Variants in ACACB observed in about 807,000 individuals in gnomAD.
The protein encoded by ACACB is acetyl-CoA carboxylase beta.
A neutral mutation model predicts 278.8 loss-of-function variants in ACACB; 209 were observed. The ratio of observed to expected loss-of-function variants is 0.75; its 90% confidence interval spans 0.67 to 0.84. ACACB has a LOEUF of 0.84. Among genes scored for constraint, ACACB ranks in the 40% least tolerant of loss-of-function variants. The probability of loss-of-function intolerance (pLI) is 0.00; values close to 1 mark genes in which losing one functional copy is unlikely to be tolerated. For missense variants in ACACB, 2,850 were observed against 3,269.0 expected (o/e 0.87, Z 3.13); for synonymous variants, 1,174 against 1,285.6 (o/e 0.91, Z 1.86).
At chr12:109,181,681 G>A (rs931988559) in intron 11 of ACACB, among the ~76,000 whole-genome samples, 13 of 152,054 alleles carry the variant, frequency 8.5e-5, no homozygotes, top group African/African-American at 3.1e-4. Flanking sequence ...TTAGCAGTAG[G>A]ATTGCTAGAT....
intron 31 of ACACB, among the ~76,000 whole-genome samples, chr12:109,235,031 A>T (rs1245453446): frequency 6.6e-6 from 1 of 152,072 alleles, no homozygotes; most frequent in African/African-American, 2.4e-5. Context: ...CACTCCATAG[A>T]AAAACCCTGT....
intron 48 of ACACB, 103 bp downstream of exon 48, chr12:109,260,760 G>T: frequency 8.5e-7 from 1 of 1,181,214 alleles, no homozygotes; most frequent in South Asian, 2.5e-5. Flanking sequence ...GCTGGAACCT[G>T]TAAGTGGTGG....
chr12:109,204,239 A>G (rs916710187), intron 19 of ACACB, among the ~76,000 whole-genome samples: 2 of 147,990 alleles, frequency 1.4e-5, no homozygotes, highest in African/African-American at 4.9e-5. Context: ...AATTGACTGT[A>G]GAGTCACCCT....
At chr12:109,124,548 A>C (rs1158202079) in intron 1 of ACACB, among the ~76,000 whole-genome samples, 1 of 151,830 alleles carries the variant, frequency 6.6e-6, no homozygotes, top group African/African-American at 2.4e-5. Context: ...TATCAGTCTG[A>C]CCTCCGTCGT....
At chr12:109,125,486 C>T (rs2042656639) in intron 1 of ACACB, 1 of 152,226 alleles carries the variant, frequency 6.6e-6, no homozygotes, top group African/African-American at 2.4e-5. Context: ...CTTGGCTTCT[C>T]TGTGCATGAT....
At chr12:109,205,617 T>C (rs1415832284) in intron 19 of ACACB, among the ~76,000 whole-genome samples, 1 of 151,844 alleles carries the variant, frequency 6.6e-6, no homozygotes, top group Non-Finnish European at 1.5e-5. Flanking sequence ...GACTGGCTAA[T>C]TTTTGTGTGT....
Position 109,265,298 on chromosome 12 carries a change from A to T in ACACB, c.7113+18A>T, listed in dbSNP as rs772007666. The T allele has an allele frequency of 2.5e-6, 4 of 1,611,958 alleles. No homozygotes were observed. Among genetic ancestry groups the T allele is most frequent in the Non-Finnish European group, 3.4e-6 (4 of 1,179,562 alleles). On this transcript the variant is annotated intron_variant, in intron 51 of 52. Coordinates refer to ENST00000338432, the MANE Select transcript of ACACB (RefSeq NM_001093.4). Reference sequence around the variant, plus strand: ...CTGTCAAGGTGGGCCTGGGGTGAGAACGAGGCCGGTGAGCACAGGGGGTGC... The same window carrying T: ...CTGTCAAGGTGGGCCTGGGGTGAGATCGAGGCCGGTGAGCACAGGGGGTGC...
chr12:109,189,876 C>T (rs886876423), intron 13 of ACACB, among the ~76,000 whole-genome samples: 14 of 152,112 alleles, frequency 9.2e-5, no homozygotes, highest in African/African-American at 2.9e-4. Context: ...TTTGGGAGGC[C>T]AAGGCGGGCA....
At chr12:109,211,695 A>C (rs746842987) in intron 21 of ACACB, among the ~76,000 whole-genome samples, 14 of 152,214 alleles carry the variant, frequency 9.2e-5, no homozygotes, top group Non-Finnish European at 1.5e-4. Context: ...AGAGTGACGA[A>C]AATGCTTTAA....
In ACACB at chr12:109,179,916, G is replaced by C; in HGVS notation, c.1648-1G>C. On this transcript the variant is annotated splice_acceptor_variant, in intron 10 of 52. Transcript: ENST00000338432. LOFTEE classifies it high-confidence loss of function. ...CTTGGCCTCTTTCTGTTTCTTCACA[G>C]TGTGCCATCCGCCTGGCCAAGACCG... The C allele has an allele frequency of 6.2e-7, 1 of 1,600,494 alleles. No individual in the cohort carries two copies. Among genetic ancestry groups the C allele is most frequent in the Non-Finnish European group, 8.6e-7 (1 of 1,168,700 alleles).
At chr12:109,167,460 G>A (rs1181280328) in intron 3 of ACACB, among the ~76,000 whole-genome samples, 2 of 150,996 alleles carry the variant, frequency 1.3e-5, no homozygotes, top group Middle Eastern at 3.2e-3. Flanking sequence ...TTAGCAGGAT[G>A]TGGTGGTGTA....
chr12:109,163,760 C>T (rs1448689856), intron 2 of ACACB, among the ~76,000 whole-genome samples: 1 of 152,156 alleles, frequency 6.6e-6, no homozygotes, highest in Non-Finnish European at 1.5e-5. Flanking sequence ...AGTGATTCTC[C>T]TGCTTCAGCC....
At chr12:109,216,284 C>T (rs918267690) in intron 22 of ACACB, among the ~76,000 whole-genome samples, 5 of 143,470 alleles carry the variant, frequency 3.5e-5, no homozygotes, top group African/African-American at 1.3e-4. Context: ...TGCAGTGGTG[C>T]GATCTCGGCT....
Position 109,206,428 on chromosome 12 carries a change from C to CAAAAAAAAAAAAAAA in ACACB, c.2914-280_2914-266dup, listed in dbSNP as rs35315851. Among the ~76,000 whole-genome samples, 221 of 89,698 alleles carry CAAAAAAAAAAAAAAA rather than the reference C, an allele frequency of 2.5e-3. 7 individuals carry two copies. Among genetic ancestry groups the CAAAAAAAAAAAAAAA allele is most frequent in the African/African-American group, 7.3e-3 (144 of 19,610 alleles). The allele number at this position is 89,698 out of a possible 152,430, so 58.8% of individuals were successfully genotyped here. ...CAGCCTGGGGACAATGCGAGTGTCT[C>CAAAAAAAAAAAAAAA]AAAAAAAAAAAAAAAACAGATCTCA... On this transcript the variant is annotated intron_variant, in intron 19 of 52. Coordinates refer to ENST00000338432, the MANE Select transcript of ACACB (RefSeq NM_001093.4).
At chr12:109,178,296 A>G (rs2136214732) in intron 9 of ACACB, among the ~76,000 whole-genome samples, 1 of 152,388 alleles carries the variant, frequency 6.6e-6, no homozygotes, top group South Asian at 2.1e-4. Flanking sequence ...TCTAGAAGAC[A>G]TGCCTATAAA....
rs371419512 is a variant in ACACB at position 109,156,612 on chromosome 12, G to A, written c.654-10249G>A. 2.3e-3 allele frequency among the ~76,000 whole-genome samples: 338 copies of A among 147,918 alleles called. 3 individuals are homozygous for A. Among genetic ancestry groups the A allele is most frequent in the African/African-American group, 7.9e-3 (316 of 40,104 alleles). ...GTTTTTTTTTTTTTTTTTGGGGGGGGGCTATTATCAACAGCACAGTGAGGA... is the reference window on the plus strand; with the variant it reads ...GTTTTTTTTTTTTTTTTTGGGGGGGAGCTATTATCAACAGCACAGTGAGGA... On this transcript the variant is annotated intron_variant, in intron 2 of 52. Coordinates refer to ENST00000338432, the MANE Select transcript of ACACB (RefSeq NM_001093.4).
chr12:109,128,445 C>A (rs1289465381), intron 1 of ACACB, among the ~76,000 whole-genome samples: 1 of 152,104 alleles, frequency 6.6e-6, no homozygotes, highest in Non-Finnish European at 1.5e-5. Flanking sequence ...TCAAGTGATT[C>A]TCCCACCTCA....
chr12:109,123,196 A>T (rs563093178), intron 1 of ACACB, among the ~76,000 whole-genome samples: 2,520 of 151,376 alleles, frequency 0.017, 31 homozygotes, highest in Middle Eastern at 0.034. Context: ...AAAAAAAAAA[A>T]TTTTTAAACA....
Position 109,167,898 on chromosome 12 carries a change from G to C in ACACB, c.789G>C (p.Val263=), listed in dbSNP as rs748106611. 6.2e-7 allele frequency: 1 copy of C among 1,613,906 alleles called. No individual in the cohort carries two copies. Among genetic ancestry groups the C allele is most frequent in the Non-Finnish European group, 8.5e-7 (1 of 1,179,942 alleles). ...TCCTTCCTTGTCTTCCCATGCAGGTGCTTATTGCCAACAACGGGATTGCCG... is the reference window on the plus strand; with the variant it reads ...TCCTTCCTTGTCTTCCCATGCAGGTCCTTATTGCCAACAACGGGATTGCCG... ...RFGGDRVIEK[V]LIANNGIAAV... The change falls in exon 4 of 53, where the codon GTG becomes GTC. Residue 263 remains valine (V), a splice_region_variant and synonymous_variant. Coordinates refer to ENST00000338432, the MANE Select transcript of ACACB (RefSeq NM_001093.4).
Sources: gnomAD v4.1 joint callset for allele counts (sites outside exome capture counted in the v4.1 genomes callset) on GRCh38, gnomAD v4.1.1 for gene constraint, MANE v1.5 for transcripts, NCBI Gene and HGNC (gene_info 2026-07-23, HGNC 2026-07-21) for gene names.